The following ZNF714 variants were observed in gnomAD, a reference collection of about 807,000 sequenced individuals.
ZNF714 encodes zinc finger protein 714.
Under a neutral mutation model 46.2 loss-of-function variants are expected in ZNF714, and 32 were observed. The ratio of observed to expected loss-of-function variants is 0.69; its 90% confidence interval spans 0.52 to 0.93. ZNF714 has a LOEUF of 0.93. ZNF714 is among the 40% of genes least tolerant of loss of function. The pLI is 0.00. For missense variants in ZNF714, 635 were observed against 646.3 expected (o/e 0.98, Z 0.19); for synonymous variants, 199 against 213.1 (o/e 0.93, Z 0.58).
chr19:21,104,012 C>T (rs1328478130), intron 4 of ZNF714, among the ~76,000 whole-genome samples: 1 of 152,160 alleles, frequency 6.6e-6, no homozygotes, highest in Admixed American at 6.5e-5. Flanking sequence ...AACAAGAACC[C>T]ATTTTACCCT....
At chr19:21,114,280 C>A (rs1969534474) in intron 4 of ZNF714, among the ~76,000 whole-genome samples, 1 of 151,794 alleles carries the variant, frequency 6.6e-6, no homozygotes, top group Non-Finnish European at 1.5e-5. Context: ...ACTAAAAATA[C>A]AAAAAATTAG....
In ZNF714 at chr19:21,124,549, A is replaced by G. The variant is rs1969762421; in HGVS notation, c.*6217A>G. On this transcript the variant is annotated 3_prime_UTR_variant, in exon 5 of 5. Transcript: ENST00000456283. ...TGCTTTTTCTGTAGAACATATTTTG[A>G]AGTATATATACATTGTTATTATTTC... 6.6e-6 allele frequency among the ~76,000 whole-genome samples: 1 copy of G among 152,234 alleles called. No homozygotes were observed. Among genetic ancestry groups the G allele is most frequent in the Non-Finnish European group, 1.5e-5 (1 of 68,044 alleles).
At chr19:21,093,937 C>A (rs967441118) in intron 2 of ZNF714, among the ~76,000 whole-genome samples, 2 of 152,034 alleles carry the variant, frequency 1.3e-5, no homozygotes, top group Admixed American at 1.3e-4. Flanking sequence ...CCTGACCATA[C>A]CTTATTATTT....
chr19:21,098,946 A>T, intron 4 of ZNF714, 36 bp downstream of exon 4: 34 of 1,058,800 alleles, frequency 3.2e-5, no homozygotes, highest in Non-Finnish European at 4.5e-5. Context: ...GACACAGATG[A>T]GAGGTACAAA....
At chr19:21,106,158 G>A (rs1187307561) in intron 4 of ZNF714, among the ~76,000 whole-genome samples, 2 of 152,024 alleles carry the variant, frequency 1.3e-5, no homozygotes, top group African/African-American at 2.4e-5. Context: ...GGGAACCTGA[G>A]GCAGGAGAAT....
At chr19:21,104,608 ATATTTATTTATT>A (rs60281456) in intron 4 of ZNF714, among the ~76,000 whole-genome samples, 1 of 150,668 alleles carries the variant, frequency 6.6e-6, no homozygotes, top group African/African-American at 2.4e-5. Flanking sequence ...ATTTATTTAT[ATATTTATTTATT>A]TATTTATTTA....
rs922097835 is a variant in ZNF714 at position 21,082,446 on chromosome 19, C to T, written c.-177+98C>T. On this transcript the variant is annotated intron_variant, in intron 1 of 4. Coordinates refer to ENST00000456283, the MANE Select transcript of ZNF714 (RefSeq NM_182515.4). Reference sequence around the variant, plus strand: ...GGGACTTAGGCCTCCCCGCAGTCAACTCTACAATCTGCGCCCGGAGTTCTC... The same window carrying T: ...GGGACTTAGGCCTCCCCGCAGTCAATTCTACAATCTGCGCCCGGAGTTCTC... The T allele has an allele frequency of 1.2e-4, 143 of 1,214,524 alleles. 1 individual carries two copies. The highest frequency in any genetic ancestry group is 1.4e-4 in the Non-Finnish European group (125 of 878,342). 75.2% of individuals were successfully genotyped at this position (1,214,524 alleles called of 1,614,324 possible).
chr19:21,108,741 T>G (rs1032706668), intron 4 of ZNF714, among the ~76,000 whole-genome samples: 1 of 152,234 alleles, frequency 6.6e-6, no homozygotes, highest in African/African-American at 2.4e-5. Context: ...CAGGTATTCC[T>G]CTTTATGCAA....
Position 21,117,475 on chromosome 19 carries a change from G to GAA in ZNF714, c.811_812insAA (p.Ala271GlufsTer36). On this transcript the variant is annotated frameshift_variant, in exon 5 of 5. Transcript: ENST00000456283. LOFTEE classifies it high-confidence loss of function. ...TGGTAAAGCTTTTAACCACCCTTCA[G>GAA]CCCTTACTACACATAAGTTCATTCA... 1 of 1,607,526 alleles carries GAA rather than the reference G, an allele frequency of 6.2e-7. No homozygotes were observed. Among genetic ancestry groups the GAA allele is most frequent in the African/African-American group, 1.4e-5 (1 of 74,000 alleles).
chr19:21,108,740 C>A (rs888575892), intron 4 of ZNF714, among the ~76,000 whole-genome samples: 3 of 152,170 alleles, frequency 2.0e-5, no homozygotes, highest in African/African-American at 7.2e-5. Context: ...TCAGGTATTC[C>A]TCTTTATGCA....
At chr19:21,086,773 G>A (rs1180912504) in intron 2 of ZNF714, among the ~76,000 whole-genome samples, 1 of 152,082 alleles carries the variant, frequency 6.6e-6, no homozygotes, top group Non-Finnish European at 1.5e-5. Flanking sequence ...ATTTTCTCTG[G>A]TTCCATATGC....
chr19:21,112,815 G>GATTTTTTTTTTTTTTTTTTTT (rs1969481548), intron 4 of ZNF714, among the ~76,000 whole-genome samples: 1 of 41,700 alleles, frequency 2.4e-5, no homozygotes, highest in Non-Finnish European at 5.6e-5. Context: ...TTTTATTTCT[G>GATTTTTTTTTTTTTTTTTTTT]ATTTTTTTTT....
intron 2 of ZNF714, among the ~76,000 whole-genome samples, chr19:21,089,616 C>G (rs1229556883): frequency 6.6e-6 from 1 of 152,298 alleles, no homozygotes; most frequent in African/African-American, 2.4e-5. Flanking sequence ...CAAGGTCAAG[C>G]GTCCAAGGAC....
At chr19:21,095,428 C>G (rs1453423860) in intron 2 of ZNF714, among the ~76,000 whole-genome samples, 1 of 151,860 alleles carries the variant, frequency 6.6e-6, no homozygotes, top group Admixed American at 6.6e-5. Context: ...AGGGCCTTCA[C>G]AGCCTCCATA....
In ZNF714 at chr19:21,120,062, G is replaced by A. The variant is rs1015496606; in HGVS notation, c.*1730G>A. 1 of 152,128 alleles carries A rather than the reference G, an allele frequency of 6.6e-6. No homozygotes were observed. The highest frequency in any genetic ancestry group is 1.5e-5 in the Non-Finnish European group (1 of 68,032). 9.4% of individuals were successfully genotyped at this position (152,128 alleles called of 1,614,324 possible). The stretch of plus-strand genomic sequence containing the variant: ...TCTTTGTTTTGTTCTGTTTTTTTGA[G>A]ATGGAGTTTTGCTCTTTCGTCCAGG... On this transcript the variant is annotated 3_prime_UTR_variant, in exon 5 of 5. Coordinates refer to ENST00000456283, the MANE Select transcript of ZNF714 (RefSeq NM_182515.4).
intron 2 of ZNF714, 88 bp downstream of exon 2, chr19:21,084,157 TG>T: frequency 2.3e-6 from 1 of 433,164 alleles, no homozygotes; most frequent in South Asian, 9.4e-5. Context: ...ATGAAATAAA[TG>T]TAGTGAAAGA....
At chr19:21,114,435 CAAA>C (rs34487712) in intron 4 of ZNF714, among the ~76,000 whole-genome samples, 4 of 124,852 alleles carry the variant, frequency 3.2e-5, no homozygotes, top group Non-Finnish European at 6.6e-5. Flanking sequence ...GACTCCATCT[CAAA>C]AAAAAAAAAA....
chr19:21,087,980 T>G (rs540527361), intron 2 of ZNF714, among the ~76,000 whole-genome samples: 2 of 152,336 alleles, frequency 1.3e-5, no homozygotes, highest in East Asian at 3.9e-4. Context: ...AAGTAAAGGA[T>G]TTTAATTACG....
rs1969747017 is a variant in ZNF714 at position 21,123,710 on chromosome 19, T to C, written c.*5378T>C. ...GCACAATTTACATTTCCGTGCAGAA[T>C]CTTTTAAGTGTGGTGGTAAAGATTG... On this transcript the variant is annotated 3_prime_UTR_variant, in exon 5 of 5. Transcript: ENST00000456283. 6.6e-6 allele frequency: 1 copy of C among 152,210 alleles called. No individual in the cohort carries two copies. The highest frequency in any genetic ancestry group is 2.4e-5 in the African/African-American group (1 of 41,458). The allele number at this position is 152,210 out of a possible 1,614,324, so 9.4% of individuals were successfully genotyped here. A position where few individuals can be genotyped will look rare whatever the true frequency, so the allele number is the denominator to read the frequency against.
Sources: gnomAD v4.1 joint callset for allele counts (sites outside exome capture counted in the v4.1 genomes callset) on GRCh38, gnomAD v4.1.1 for gene constraint, MANE v1.5 for transcripts, NCBI Gene and HGNC (gene_info 2026-07-23, HGNC 2026-07-21) for gene names.